The following FAR2 variants were observed in gnomAD, a reference collection of about 807,000 sequenced individuals.
FAR2 encodes the protein epididymis secretory protein Li 81.
A neutral mutation model predicts 56.0 loss-of-function variants in FAR2; 19 were observed. That is an observed-to-expected ratio of 0.34 (90% CI 0.24 to 0.50). The LOEUF is 0.50. Ranked by LOEUF, FAR2 falls within the 20% of genes least tolerant of loss-of-function variation. FAR2 has a pLI of 0.98. For missense variants in FAR2, 508 were observed against 642.2 expected (o/e 0.79, Z 2.26); for synonymous variants, 219 against 218.8 (o/e 1.00, Z -0.01).
At chr12:29,270,900 C>T (rs1591914343) in intron 2 of FAR2, among the ~76,000 whole-genome samples, 1 of 152,344 alleles carries the variant, frequency 6.6e-6, no homozygotes, top group Non-Finnish European at 1.5e-5. Flanking sequence ...TACTCAAACT[C>T]CCTGAGTGGA....
chr12:29,159,430 C>T (rs1307964199), intron 1 of FAR2, among the ~76,000 whole-genome samples: 3 of 149,988 alleles, frequency 2.0e-5, no homozygotes, highest in South Asian at 2.1e-4. Flanking sequence ...CCCAGCTACT[C>T]GGGAGGCTGA....
In FAR2 at chr12:29,285,186, GA is replaced by G. The variant is rs1276398229; in HGVS notation, c.190-8106del. On this transcript the variant is annotated intron_variant, in intron 2 of 11. Transcript: ENST00000536681. ...GTTAATTTTCAGACTCTTTTGTAGG[GA>G]AAAAAAAGTGTGTTCATGCTTCGCT... Among the ~76,000 whole-genome samples the G allele has an allele frequency of 3.3e-5, 5 of 152,048 alleles. No individual in the cohort carries two copies. In the East Asian group the frequency reaches 9.7e-4, roughly 29 times the overall value.
chr12:29,237,028 A>T (rs1947953597), intron 1 of FAR2, among the ~76,000 whole-genome samples: 1 of 152,192 alleles, frequency 6.6e-6, no homozygotes, highest in African/African-American at 2.4e-5. Flanking sequence ...AAATTTGTGT[A>T]ATCAGTTAAA....
intron 1 of FAR2, among the ~76,000 whole-genome samples, chr12:29,212,259 A>G (rs1448732335): frequency 6.6e-6 from 1 of 152,088 alleles, no homozygotes; most frequent in Non-Finnish European, 1.5e-5. Flanking sequence ...ATTAAAATGA[A>G]TATGTTCTTT....
intron 1 of FAR2, among the ~76,000 whole-genome samples, chr12:29,220,036 A>G (rs1947667317): frequency 6.6e-6 from 1 of 152,196 alleles, no homozygotes; most frequent in Non-Finnish European, 1.5e-5. Context: ...TGGGGTACTT[A>G]GATATTATGA....
intron 1 of FAR2, among the ~76,000 whole-genome samples, chr12:29,268,603 G>C (rs568985030): frequency 6.6e-6 from 1 of 152,278 alleles, no homozygotes; most frequent in African/African-American, 2.4e-5. Context: ...TTGCTTTTCA[G>C]TGTCTCTACC....
intron 1 of FAR2, among the ~76,000 whole-genome samples, chr12:29,266,228 A>T (rs6487795): frequency 0.56 from 85,244 of 152,002 alleles, 24,457 homozygotes; most frequent in African/African-American, 0.67. Flanking sequence ...TGCAGTGTTA[A>T]TCACAATAGC....
chr12:29,295,554 C>T (rs749790216), intron 3 of FAR2, among the ~76,000 whole-genome samples: 1 of 152,020 alleles, frequency 6.6e-6, no homozygotes, highest in Non-Finnish European at 1.5e-5. Context: ...ACTTTAAAAA[C>T]ATTTAGTATA....
At chr12:29,161,615 T>C (rs1440156940) in intron 1 of FAR2, among the ~76,000 whole-genome samples, 3 of 152,214 alleles carry the variant, frequency 2.0e-5, no homozygotes, top group African/African-American at 7.2e-5. Context: ...TTCTTGAGAA[T>C]GTCTTTTGTT....
chr12:29,314,592 C>G lies in FAR2; in HGVS notation c.956-2249C>G, dbSNP rs11050180. 5.7e-4 allele frequency among the ~76,000 whole-genome samples: 86 copies of G among 152,030 alleles called. 1 individual carries two copies. The highest frequency in any genetic ancestry group is 2.1e-3 in the African/African-American group (85 of 41,456). On this transcript the variant is annotated intron_variant, in intron 8 of 11. Transcript: ENST00000536681. The stretch of plus-strand genomic sequence containing the variant: ...CATTTGGACAGCTTTCTCAGAAAGC[C>G]TTTCCTAACCCAGCCTCACCCCTCC...
intron 1 of FAR2, among the ~76,000 whole-genome samples, chr12:29,200,370 G>T (rs1228495947): frequency 1.4e-4 from 21 of 152,180 alleles, no homozygotes; most frequent in Admixed American, 1.4e-3. Flanking sequence ...AAGTGGTGTA[G>T]AAACGAAGAG....
chr12:29,290,686 T>G (rs532926944), intron 2 of FAR2, among the ~76,000 whole-genome samples: 23 of 152,302 alleles, frequency 1.5e-4, no homozygotes, highest in African/African-American at 5.5e-4. Context: ...AGAATGGGAT[T>G]CAGTCATTTG....
chr12:29,166,680 A>G (rs1380281208), intron 1 of FAR2, among the ~76,000 whole-genome samples: 1 of 152,226 alleles, frequency 6.6e-6, no homozygotes, highest in African/African-American at 2.4e-5. Flanking sequence ...CATTTTAAGC[A>G]CTAAAGCACC....
intron 9 of FAR2, among the ~76,000 whole-genome samples, chr12:29,321,427 T>C (rs1310330752): frequency 6.6e-6 from 1 of 152,058 alleles, no homozygotes; most frequent in Non-Finnish European, 1.5e-5. Context: ...AGACCCTGTC[T>C]CAAAAAGAAA....
chr12:29,244,025 A>C (rs1032762577), intron 1 of FAR2, among the ~76,000 whole-genome samples: 3 of 152,176 alleles, frequency 2.0e-5, no homozygotes, highest in Middle Eastern at 3.2e-3. Context: ...TGAATGAATG[A>C]ATGAATTTCC....
chr12:29,312,942 G>A (rs990948601), intron 8 of FAR2, among the ~76,000 whole-genome samples: 3 of 152,072 alleles, frequency 2.0e-5, no homozygotes, highest in African/African-American at 7.2e-5. Flanking sequence ...TACCTGGCAT[G>A]CAGGTATTTT....
chr12:29,202,668 T>C (rs145385482), intron 1 of FAR2, among the ~76,000 whole-genome samples: 2 of 152,308 alleles, frequency 1.3e-5, no homozygotes, highest in African/African-American at 4.8e-5. Flanking sequence ...AGAGGAGTTC[T>C]TGTTTTTAGT....
At chr12:29,276,563 T>G (rs562036574) in intron 2 of FAR2, among the ~76,000 whole-genome samples, 3 of 152,348 alleles carry the variant, frequency 2.0e-5, no homozygotes, top group South Asian at 2.1e-4. Flanking sequence ...CTTGATTTTA[T>G]TGCTGCGTAT....
At chr12:29,318,192 A>G (rs1254156726) in intron 9 of FAR2, among the ~76,000 whole-genome samples, 2 of 152,228 alleles carry the variant, frequency 1.3e-5, no homozygotes, top group Admixed American at 6.5e-5. Flanking sequence ...AGCAGTGCAA[A>G]TGACTAAAAC....
Sources: gnomAD v4.1 joint callset for allele counts (sites outside exome capture counted in the v4.1 genomes callset) on GRCh38, gnomAD v4.1.1 for gene constraint, MANE v1.5 for transcripts, NCBI Gene and HGNC (gene_info 2026-07-23, HGNC 2026-07-21) for gene names.